SLCO3A1: variants seen among roughly 807,000 people sequenced by gnomAD.
SLCO3A1 encodes PGE1 transporter.
In SLCO3A1, 27 loss-of-function variants were observed where a neutral mutation model predicts 63.1. The observed-to-expected ratio is 0.43, with a 90% CI of 0.32 to 0.59. SLCO3A1 has a LOEUF of 0.59. SLCO3A1 is among the 20% of genes least tolerant of loss of function. SLCO3A1 has a pLI of 0.09. For missense variants in SLCO3A1, 773 were observed against 945.8 expected (o/e 0.82, Z 2.40); for synonymous variants, 473 against 409.9 (o/e 1.15, Z -1.86).
At chr15:91,914,093 G>A (rs1353629264) in intron 1 of SLCO3A1, among the ~76,000 whole-genome samples, 6 of 152,148 alleles carry the variant, frequency 3.9e-5, no homozygotes, top group Non-Finnish European at 7.4e-5. Flanking sequence ...ACATGTATGT[G>A]TTGTTGACTC....
intron 2 of SLCO3A1, among the ~76,000 whole-genome samples, chr15:91,973,611 G>C (rs1328610793): frequency 6.6e-6 from 1 of 152,180 alleles, no homozygotes; most frequent in Non-Finnish European, 1.5e-5. Context: ...CAACCTGGGT[G>C]CTTTTGCACC....
intron 2 of SLCO3A1, among the ~76,000 whole-genome samples, chr15:91,926,600 C>CGT (rs1555450187): frequency 6.4e-4 from 17 of 26,766 alleles, no homozygotes; most frequent in African/African-American, 2.2e-3. Flanking sequence ...TGTGTGTGCG[C>CGT]GCGCGCACGC....
intron 1 of SLCO3A1, among the ~76,000 whole-genome samples, chr15:91,905,630 T>TG (rs201018585): frequency 0.22 from 33,603 of 149,430 alleles, 3,823 homozygotes; most frequent in East Asian, 0.38. Flanking sequence ...TGCTTAGTTT[T>TG]TTGTTTTTTT....
intron 2 of SLCO3A1, among the ~76,000 whole-genome samples, chr15:92,028,946 C>CGTGTGT (rs1555425656): frequency 1.8e-3 from 43 of 23,882 alleles, no homozygotes; most frequent in African/African-American, 7.3e-3. Flanking sequence ...TGTGTGTGTA[C>CGTGTGT]GTACATGAGA....
At chr15:91,939,672 C>A (rs750912748) in intron 2 of SLCO3A1, among the ~76,000 whole-genome samples, 1 of 152,122 alleles carries the variant, frequency 6.6e-6, no homozygotes, top group Non-Finnish European at 1.5e-5. Context: ...GGCTTCTTCC[C>A]TCCTCCTCTG....
At chr15:92,054,447 C>T (rs2046998119) in intron 2 of SLCO3A1, among the ~76,000 whole-genome samples, 1 of 152,022 alleles carries the variant, frequency 6.6e-6, no homozygotes, top group Non-Finnish European at 1.5e-5. Flanking sequence ...TAAGTCAAAG[C>T]CCTCTATTAT....
chr15:91,881,482 T>C (rs1897585283), intron 1 of SLCO3A1, among the ~76,000 whole-genome samples: 1 of 151,920 alleles, frequency 6.6e-6, no homozygotes, highest in Non-Finnish European at 1.5e-5. Context: ...TAAAGAAAAA[T>C]GTTTTTTTCT....
intron 2 of SLCO3A1, among the ~76,000 whole-genome samples, chr15:91,962,309 G>A (rs1179416603): frequency 6.6e-6 from 1 of 151,924 alleles, no homozygotes; most frequent in African/African-American, 2.4e-5. Flanking sequence ...GAGAAACCCT[G>A]TCTTTACTAA....
At chr15:91,904,232 T>C (rs1306706370) in intron 1 of SLCO3A1, among the ~76,000 whole-genome samples, 1 of 152,184 alleles carries the variant, frequency 6.6e-6, no homozygotes, top group Non-Finnish European at 1.5e-5. Context: ...GTACACCTTT[T>C]GGTATTTATT....
At chr15:92,106,130 C>A (rs1479879251) in intron 4 of SLCO3A1, among the ~76,000 whole-genome samples, 1 of 152,198 alleles carries the variant, frequency 6.6e-6, no homozygotes, top group Non-Finnish European at 1.5e-5. Flanking sequence ...CCTGTTAGTC[C>A]ATGAGAAATC....
intron 1 of SLCO3A1, among the ~76,000 whole-genome samples, chr15:91,880,170 C>CATCCATCCATCTATCTATCT (rs1337739872): frequency 3.2e-5 from 4 of 126,272 alleles, no homozygotes; most frequent in East Asian, 4.9e-4. Context: ...TCCATCCATC[C>CATCCATCCATCTATCTATCT]ATCTATCTAT....
chr15:91,933,299 A>G (rs1489577639), intron 2 of SLCO3A1, among the ~76,000 whole-genome samples: 2 of 152,200 alleles, frequency 1.3e-5, no homozygotes, highest in Non-Finnish European at 2.9e-5. Flanking sequence ...TAAGCTATTT[A>G]CAGGGCTTCA....
intron 7 of SLCO3A1, among the ~76,000 whole-genome samples, chr15:92,141,889 A>G (rs1190407445): frequency 6.6e-6 from 1 of 152,196 alleles, no homozygotes; most frequent in African/African-American, 2.4e-5. Flanking sequence ...CCACAACTGC[A>G]GCATTTTCCC....
intron 2 of SLCO3A1, among the ~76,000 whole-genome samples, chr15:91,922,196 G>GCACACACACACACACACACA (rs71156620): frequency 1.3e-5 from 2 of 151,322 alleles, no homozygotes; most frequent in Non-Finnish European, 2.9e-5. Flanking sequence ...GCGCGTGCAC[G>GCACACACACACACACACACA]CACACACACA....
chr15:92,118,641 T>C lies in SLCO3A1; in HGVS notation c.1010-1824T>C, dbSNP rs75074905. Among the ~76,000 whole-genome samples the C allele has an allele frequency of 6.5e-3, 997 of 152,318 alleles. 7 individuals carry two copies. Among genetic ancestry groups the C allele is most frequent in the African/African-American group, 0.022 (922 of 41,572 alleles). On this transcript the variant is annotated intron_variant, in intron 4 of 9. Transcript: ENST00000318445. ...GAGCCTGATAATTAGCTCTCTTCTT[T>C]AGGACAGCTGGCTAATTCATCACCT...
chr15:92,075,708 C>T (rs1231011026), intron 2 of SLCO3A1, among the ~76,000 whole-genome samples: 2 of 152,234 alleles, frequency 1.3e-5, no homozygotes, highest in Non-Finnish European at 2.9e-5. Flanking sequence ...GTGTATCCAT[C>T]CCACATGCAG....
intron 1 of SLCO3A1, among the ~76,000 whole-genome samples, chr15:91,891,895 G>A (rs1287760633): frequency 1.3e-5 from 2 of 152,190 alleles, no homozygotes; most frequent in Non-Finnish European, 2.9e-5. Flanking sequence ...TGCTATAGCC[G>A]TGATGGCTAC....
At chr15:91,903,124 C>G (rs1199418189) in intron 1 of SLCO3A1, among the ~76,000 whole-genome samples, 2 of 152,166 alleles carry the variant, frequency 1.3e-5, no homozygotes, top group Non-Finnish European at 2.9e-5. Context: ...ACGTAGTCAG[C>G]TCATTGGATT....
intron 2 of SLCO3A1, among the ~76,000 whole-genome samples, chr15:92,018,983 G>C (rs892441452): frequency 6.6e-6 from 1 of 152,142 alleles, no homozygotes; most frequent in Non-Finnish European, 1.5e-5. Flanking sequence ...GCTATTTTTA[G>C]AGTGCTCCAG....
Sources: gnomAD v4.1 joint callset for allele counts (sites outside exome capture counted in the v4.1 genomes callset) on GRCh38, gnomAD v4.1.1 for gene constraint, MANE v1.5 for transcripts, NCBI Gene and HGNC (gene_info 2026-07-23, HGNC 2026-07-21) for gene names.